Variants in HNRNPM observed in about 807,000 individuals in gnomAD.
HNRNPM encodes the protein CEA receptor.
Under a neutral mutation model 73.1 loss-of-function variants are expected in HNRNPM, and 11 were observed. That is an observed-to-expected ratio of 0.15 (90% CI 0.09 to 0.25). The LOEUF (loss-of-function observed/expected upper bound fraction) is 0.25, where lower values mean the gene tolerates loss of function less well. Among genes scored for constraint, HNRNPM ranks in the 10% least tolerant of loss-of-function variants. HNRNPM has a pLI of 1.00. For missense variants in HNRNPM, 789 were observed against 1,067.9 expected, an observed-to-expected ratio of 0.74 and a Z score of 3.64; for synonymous variants, 407 against 355.2, an observed-to-expected ratio of 1.15 and a Z score of -1.64.
rs748483787 is a variant in HNRNPM at position 8,485,597 on chromosome 19, T to A, written c.1175-6T>A. ...CACCCACCTGTGTTTTGTGTCCCTG[T>A]TTCAGGTGGAGGTGGAGGAAGCGTC... On this transcript the variant is annotated splice_polypyrimidine_tract_variant and splice_region_variant and intron_variant, in intron 13 of 15. Transcript: ENST00000325495. 6.3e-7 allele frequency: 1 copy of A among 1,595,472 alleles called. No individual in the cohort carries two copies.
chr19:8,456,297 G>A (rs1004694324), intron 2 of HNRNPM, among the ~76,000 whole-genome samples: 15 of 152,296 alleles, frequency 9.8e-5, no homozygotes, highest in African/African-American at 3.6e-4. Flanking sequence ...CCTCACCCCC[G>A]TGCACACTGT....
chr19:8,473,352 T>G (rs1970287115), intron 10 of HNRNPM, among the ~76,000 whole-genome samples: 1 of 151,932 alleles, frequency 6.6e-6, no homozygotes, highest in African/African-American at 2.4e-5. Context: ...TCTCAGCTAG[T>G]CGGGAGGCTG....
intron 7 of HNRNPM, among the ~76,000 whole-genome samples, 157 bp downstream of exon 7, chr19:8,466,545 G>T (rs559338058): frequency 5.3e-5 from 8 of 151,960 alleles, no homozygotes; most frequent in Admixed American, 5.2e-4. Context: ...TCTCTGGGCC[G>T]GACCGGTCAC....
At position 8,456,349 on chromosome 19, in the gene HNRNPM, G is replaced by A. The variant is rs779208823; in HGVS notation, c.283+775G>A. On this transcript the variant is annotated intron_variant, in intron 2 of 15. Coordinates refer to ENST00000325495, the MANE Select transcript of HNRNPM (RefSeq NM_005968.5). Reference sequence around the variant, plus strand: ...CCTTCTTCCCTCCTGTGCTGCTATCGTCTTCCTTTCTTTCCTGATTCTTGG... The same window carrying A: ...CCTTCTTCCCTCCTGTGCTGCTATCATCTTCCTTTCTTTCCTGATTCTTGG... 3.3e-5 allele frequency among the ~76,000 whole-genome samples: 5 copies of A among 152,134 alleles called. No individual in the cohort carries two copies. In the East Asian group the frequency reaches 5.8e-4, roughly 18 times the overall value.
At chr19:8,477,248 C>A (rs947390542) in intron 12 of HNRNPM, among the ~76,000 whole-genome samples, 1 of 152,144 alleles carries the variant, frequency 6.6e-6, no homozygotes, top group East Asian at 1.9e-4. Context: ...TTTCAGCCTG[C>A]GTGAGATGGA....
rs1356419742 is a variant in HNRNPM at position 8,488,914 on chromosome 19, C to T, written c.*60C>T. Reference sequence around the variant, plus strand: ...CTGAATTTGTATTTTTTCTTGTTAACCATTTTAATTTGTTGGCTGGATGTA... The same window carrying T: ...CTGAATTTGTATTTTTTCTTGTTAATCATTTTAATTTGTTGGCTGGATGTA... On this transcript the variant is annotated 3_prime_UTR_variant, in exon 16 of 16. Transcript: ENST00000325495. 2 of 1,446,830 alleles carry T rather than the reference C, an allele frequency of 1.4e-6. No homozygotes were observed. Among genetic ancestry groups the T allele is most frequent in the Non-Finnish European group, 9.4e-7 (1 of 1,063,896 alleles). The allele number at this position is 1,446,830 out of a possible 1,614,324, so 89.6% of individuals were successfully genotyped here.
At chr19:8,455,060 G>A (rs1968910000) in intron 1 of HNRNPM, among the ~76,000 whole-genome samples, 2 of 151,902 alleles carry the variant, frequency 1.3e-5, no homozygotes, top group Admixed American at 6.6e-5. Context: ...CTGGAGCCTC[G>A]AACTCCCGAG....
chr19:8,474,043 C>A, intron 11 of HNRNPM, 124 bp from the exon 12 acceptor site: 1 of 733,106 alleles, frequency 1.4e-6, no homozygotes, highest in East Asian at 2.9e-5. Context: ...TTTTCAAAAG[C>A]CTTTAAACTT....
chr19:8,450,729 T>TA (rs78327498), intron 1 of HNRNPM, among the ~76,000 whole-genome samples: 40,814 of 124,304 alleles, frequency 0.33, 6,006 homozygotes, highest in Middle Eastern at 0.36. Context: ...TTATTATTAT[T>TA]TTTTTTTTTT....
chr19:8,463,595 T>G lies in HNRNPM; in HGVS notation c.347T>G (p.Val116Gly). The G allele has an allele frequency of 6.2e-7, 1 of 1,613,658 alleles. No individual in the cohort carries two copies. The highest frequency in any genetic ancestry group is 8.5e-7 in the Non-Finnish European group (1 of 1,179,564). ...CTCGTTTCCTTTTGACTCTATAGTG[T>G]TGTTGAATTCAAGATGGAAGAGAGC... ...DAEGKSRGCAVVEFKMEESMK... is the reference protein window; with the variant it reads ...DAEGKSRGCAGVEFKMEESMK... The change falls in exon 5 of 16, where the codon GTT (valine) becomes GGT (glycine). Residue 116 changes from valine (V) to glycine (G), a missense_variant and splice_region_variant. Val to Gly is a moderately radical substitution (Grantham distance 109). Coordinates refer to ENST00000325495, the MANE Select transcript of HNRNPM (RefSeq NM_005968.5).
chr19:8,469,775 C>T (rs922850463), intron 9 of HNRNPM, among the ~76,000 whole-genome samples: 8 of 152,206 alleles, frequency 5.3e-5, no homozygotes, highest in African/African-American at 1.9e-4. Flanking sequence ...CTGGGGTGAC[C>T]TCCACCAGGC....
In HNRNPM at chr19:8,463,593, T is replaced by C; in HGVS notation, c.345T>C (p.Ala115=). Residue 115 remains alanine, a splice_region_variant and synonymous_variant, in exon 5 of 16, where the codon GCT becomes GCC. Coordinates refer to ENST00000325495, the MANE Select transcript of HNRNPM (RefSeq NM_005968.5). ...GACTCGTTTCCTTTTGACTCTATAG[T>C]GTTGTTGAATTCAAGATGGAAGAGA... ...MDAEGKSRGC[A]VVEFKMEESM... is the part of the protein sequence containing the mutation. The C allele has an allele frequency of 6.2e-7, 1 of 1,613,432 alleles. No homozygotes were observed. Among genetic ancestry groups the C allele is most frequent in the Non-Finnish European group, 8.5e-7 (1 of 1,179,430 alleles).
intron 1 of HNRNPM, among the ~76,000 whole-genome samples, chr19:8,447,604 G>A (rs973184652): frequency 7.2e-5 from 11 of 152,162 alleles, no homozygotes; most frequent in Admixed American, 7.2e-4. Flanking sequence ...CTGAAGTTGT[G>A]CTGGGTGTAG....
intron 12 of HNRNPM, among the ~76,000 whole-genome samples, chr19:8,480,293 G>T (rs537942075): frequency 7.0e-6 from 1 of 143,330 alleles, no homozygotes; most frequent in South Asian, 2.2e-4. Context: ...GCAGTGAGCC[G>T]AGGTCAAACC....
intron 3 of HNRNPM, among the ~76,000 whole-genome samples, chr19:8,463,165 G>A (rs1416860164): frequency 6.6e-6 from 1 of 152,166 alleles, no homozygotes; most frequent in African/African-American, 2.4e-5. Flanking sequence ...AATATGGTAA[G>A]GACTCGATTG....
At position 8,466,388 on chromosome 19, in the gene HNRNPM, T is replaced by G. The variant is rs1408742668; in HGVS notation, c.784T>G (p.Ser262Ala). 6.2e-7 allele frequency: 1 copy of G among 1,613,852 alleles called. No individual in the cohort carries two copies. Among genetic ancestry groups the G allele is most frequent in the Non-Finnish European group, 8.5e-7 (1 of 1,179,906 alleles). Residue 262 changes from serine to alanine, a missense_variant and splice_region_variant, in exon 7 of 16, where the codon TCT becomes GCT. By Grantham distance (99) the Ser-to-Ala change is moderately conservative. This residue lies in a region of HNRNPM where 604 missense variants were observed against 744.0 expected (regional missense o/e 0.81). Transcript: ENST00000325495. ...EQSIEAVQAI[S>A]MFNGQLLFDR... The stretch of plus-strand genomic sequence containing the variant: ...GTCCATTGAAGCTGTGCAAGCTATA[T>G]GTATCCTTCTGCAGGAATTCAACTT...
Position 8,462,411 on chromosome 19 carries a change from C to G in HNRNPM, c.284-118C>G. The G allele has an allele frequency of 1.2e-6, 1 of 853,026 alleles. No individual in the cohort carries two copies. Among genetic ancestry groups the G allele is most frequent in the East Asian group, 2.4e-5 (1 of 41,136 alleles). The allele number at this position is 853,026 out of a possible 1,614,324, so 52.8% of individuals were successfully genotyped here. A position where few individuals can be genotyped will look rare whatever the true frequency, so the allele number is the denominator to read the frequency against. On this transcript the variant is annotated intron_variant, in intron 2 of 15. Coordinates refer to ENST00000325495, the MANE Select transcript of HNRNPM (RefSeq NM_005968.5). The surrounding 1 kb of genome is among the most constrained non-coding windows in gnomAD (Gnocchi z 4.5). ...GTGGTTTAGAGAATATGGAGTGTTT[C>G]TGGGCTTTCTTATAAGGCAGAGGCT...
intron 12 of HNRNPM, among the ~76,000 whole-genome samples, chr19:8,477,179 C>T (rs994637178): frequency 2.0e-5 from 3 of 152,154 alleles, no homozygotes; most frequent in Non-Finnish European, 4.4e-5. Context: ...TCAAGGCCCT[C>T]TCAGCATGGG....
chr19:8,484,552 G>A (rs1446235941), intron 13 of HNRNPM, among the ~76,000 whole-genome samples: 1 of 152,232 alleles, frequency 6.6e-6, no homozygotes, highest in Admixed American at 6.5e-5. Flanking sequence ...GTTCTGAGAC[G>A]TCTCCCCTCT....
Sources: gnomAD v4.1 joint callset for allele counts (sites outside exome capture counted in the v4.1 genomes callset) on GRCh38, gnomAD v4.1.1 for gene constraint, gnomAD v4.1.1 regional missense constraint, Gnocchi (gnomAD v3.1) non-coding constraint, MANE v1.5 for transcripts, NCBI Gene and HGNC (gene_info 2026-07-23, HGNC 2026-07-21) for gene names.